Variants in BCL2L12 observed in about 807,000 individuals in gnomAD.
BCL2L12 encodes BCL2 like 12.
A neutral mutation model predicts 25.7 loss-of-function variants in BCL2L12; 27 were observed. That is an observed-to-expected ratio of 1.05 (90% CI 0.78 to 1.45). BCL2L12 has a LOEUF of 1.45. Ranked by LOEUF, BCL2L12 falls within the 40% of genes most tolerant of loss-of-function variation. The pLI, the probability that BCL2L12 is intolerant of heterozygous loss-of-function variation, is 0.00. For missense variants in BCL2L12, 302 were observed against 329.8 expected, an observed-to-expected ratio of 0.92 and a Z score of 0.65; for synonymous variants, 132 against 145.6, an observed-to-expected ratio of 0.91 and a Z score of 0.67.
At position 49,667,016 on chromosome 19, in the gene BCL2L12, C is replaced by T. The variant is rs760065388; in HGVS notation, c.108-3C>T. 3.4e-5 allele frequency: 54 copies of T among 1,609,586 alleles called. 1 individual carries two copies. In the South Asian group the frequency reaches 5.7e-4, roughly 17 times the overall value. ...GGTCAGTCTCTGAAGTCCTCCTCTC[C>T]AGAAGCCCTGCCCAAGAAGAGCCAA... On this transcript the variant is annotated splice_region_variant and splice_polypyrimidine_tract_variant and intron_variant, in intron 2 of 6. Transcript: ENST00000246784.
upstream of BCL2L12, chr19:49,665,458 CTTTTTCTAG>C (rs2081651438): frequency 9.7e-6 from 2 of 206,550 alleles, no homozygotes; most frequent in East Asian, 1.1e-4. Context: ...TTCCTCCCTA[CTTTTTCTAG>C]TTTTTCTGCA....
At chr19:49,670,701 A>G (rs943587100) in intron 6 of BCL2L12, among the ~76,000 whole-genome samples, 2 of 152,214 alleles carry the variant, frequency 1.3e-5, no homozygotes, top group African/African-American at 4.8e-5. Flanking sequence ...TAATACTGTG[A>G]GCGTGAAACC....
At chr19:49,666,161 C>G in intron 1 of BCL2L12, 94 bp downstream of exon 1, 2 of 1,439,956 alleles carry the variant, frequency 1.4e-6, no homozygotes, top group Non-Finnish European at 1.9e-6. Flanking sequence ...CTCTGATATC[C>G]AAGGGTCCAG....
chr19:49,666,166 G>T, intron 1 of BCL2L12, 99 bp downstream of exon 1: 1 of 1,407,360 alleles, frequency 7.1e-7, no homozygotes, highest in Admixed American at 2.6e-5. Flanking sequence ...ATATCCAAGG[G>T]TCCAGGGTCC....
At chr19:49,667,759 G>C (rs2081852357) in intron 3 of BCL2L12, among the ~76,000 whole-genome samples, 1 of 152,198 alleles carries the variant, frequency 6.6e-6, no homozygotes, top group Non-Finnish European at 1.5e-5. Flanking sequence ...CCTTGGATGA[G>C]ATCATCTTCA....
At chr19:49,670,192 G>A (rs1249446021) in intron 5 of BCL2L12, 24 bp from the exon 6 acceptor site, 1 of 1,595,678 alleles carries the variant, frequency 6.3e-7, no homozygotes, top group South Asian at 1.1e-5. Flanking sequence ...TGCTGACGCG[G>A]ACCCTGCCTC....
At chr19:49,665,797 T>A (rs747136630), upstream of BCL2L12, 1 of 1,572,670 alleles carries the variant, frequency 6.4e-7, no homozygotes, top group East Asian at 2.3e-5. Flanking sequence ...AACTTTATCA[T>A]TCTTTGGGTA....
chr19:49,665,592 C>CT, upstream of BCL2L12: 1 of 544,094 alleles, frequency 1.8e-6, no homozygotes, highest in South Asian at 2.4e-5. Flanking sequence ...TCCTCGCTCT[C>CT]GGACGCCACC....
chr19:49,673,109 AC>A (rs1447401297), intron 6 of BCL2L12, among the ~76,000 whole-genome samples: 1 of 151,930 alleles, frequency 6.6e-6, no homozygotes, highest in Non-Finnish European at 1.5e-5. Context: ...CAAGTGATCC[AC>A]CCACCTCGGC....
intron 5 of BCL2L12, among the ~76,000 whole-genome samples, chr19:49,669,628 AG>A (rs1311120458): frequency 6.6e-6 from 1 of 151,688 alleles, no homozygotes; most frequent in African/African-American, 2.4e-5. Flanking sequence ...GATTGTTTAG[AG>A]GGGCATGGCC....
chr19:49,670,215 G>T lies in BCL2L12; in HGVS notation c.430-1G>T. On this transcript the variant is annotated splice_acceptor_variant, in intron 5 of 6. Coordinates refer to ENST00000246784, the MANE Select transcript of BCL2L12 (RefSeq NM_138639.2). LOFTEE classifies it high-confidence loss of function. ...CGGACCCTGCCTCTTCCACCCTACA[G>T]CTGGCCTCGGACCCCGCCCTGCGCA... 6.2e-7 allele frequency: 1 copy of T among 1,603,574 alleles called. No individual in the cohort carries two copies.
intron 6 of BCL2L12, 63 bp downstream of exon 6, chr19:49,670,551 G>C: frequency 6.6e-7 from 1 of 1,508,274 alleles, no homozygotes; most frequent in Non-Finnish European, 8.8e-7. Flanking sequence ...GATAGAGGAG[G>C]GGCGGGGACT....
At chr19:49,665,693 A>T, upstream of BCL2L12, 3 of 1,237,942 alleles carry the variant, frequency 2.4e-6, no homozygotes, top group Non-Finnish European at 3.3e-6. Flanking sequence ...AGCTCCGGGT[A>T]GCTCTCAAAC....
chr19:49,666,721 G>T lies in BCL2L12; in HGVS notation c.29G>T (p.Arg10Leu), dbSNP rs751993522. The change falls in exon 2 of 7, where the codon CGG becomes CTG. Residue 10 changes from arginine (R) to leucine (L), a missense_variant. Transcript: ENST00000246784. ...GCAGGCTCTGAAGAGCTGGGGCTCC[G>T]GGAAGACACGCTGAGGGTCCTAGCT... Reference protein sequence around the residue: MAGSEELGLREDTLRVLAAF... With the variant: MAGSEELGLLEDTLRVLAAF... 1.9e-6 allele frequency: 3 copies of T among 1,555,584 alleles called. No individual in the cohort carries two copies. Among genetic ancestry groups the T allele is most frequent in the Non-Finnish European group, 1.7e-6 (2 of 1,149,068 alleles).
In BCL2L12 at chr19:49,673,856, T is replaced by C. The variant is rs1382573684; in HGVS notation, c.*108T>C. ...CAGGGCTGTGGGGTGGTGGTTGCCC[T>C]ACCTGTTTTTGCCAAAAATAAATTG... On this transcript the variant is annotated 3_prime_UTR_variant, in exon 7 of 7. Transcript: ENST00000246784. The C allele has an allele frequency of 1.5e-6, 2 of 1,307,318 alleles. No individual in the cohort carries two copies. The highest frequency in any genetic ancestry group is 2.4e-5 in the East Asian group (1 of 41,858). 81.0% of individuals were successfully genotyped at this position (1,307,318 alleles called of 1,614,324 possible).
intron 5 of BCL2L12, 97 bp downstream of exon 5, chr19:49,669,212 C>A: frequency 2.0e-6 from 3 of 1,532,854 alleles, no homozygotes; most frequent in South Asian, 2.4e-5. Flanking sequence ...TTTGGATGGT[C>A]AGGTGGAAAG....
At chr19:49,667,579 A>G (rs2081843816) in intron 3 of BCL2L12, among the ~76,000 whole-genome samples, 1 of 152,152 alleles carries the variant, frequency 6.6e-6, no homozygotes, top group Non-Finnish European at 1.5e-5. Flanking sequence ...GATCAAGGTG[A>G]CCCACAAGTT....
chr19:49,666,074 G>T lies in BCL2L12; in HGVS notation c.-9+7G>T. ...CGGTGGGGCCCCGGACCAGGTCAGC[G>T]GGGTGTTGACGAGGGGTGGGGTGAG... On this transcript the variant is annotated splice_region_variant and intron_variant, in intron 1 of 6. Transcript: ENST00000246784. 1.3e-6 allele frequency: 2 copies of T among 1,543,302 alleles called. No homozygotes were observed. The highest frequency in any genetic ancestry group is 1.8e-6 in the Non-Finnish European group (2 of 1,140,334).
chr19:49,665,707 A>G, upstream of BCL2L12: 1 of 1,379,192 alleles, frequency 7.3e-7, no homozygotes, highest in Non-Finnish European at 9.8e-7. Flanking sequence ...CTCAAACTCG[A>G]GGCTGCGCAC....
Sources: gnomAD v4.1 joint callset for allele counts (sites outside exome capture counted in the v4.1 genomes callset) on GRCh38, gnomAD v4.1.1 for gene constraint, MANE v1.5 for transcripts, NCBI Gene and HGNC (gene_info 2026-07-23, HGNC 2026-07-21) for gene names.